The following IER3IP1 variants were observed in gnomAD, a reference collection of about 807,000 sequenced individuals.
The protein encoded by IER3IP1 is immediate early response 3 interacting protein 1.
A neutral mutation model predicts 12.2 loss-of-function variants in IER3IP1; 16 were observed. The ratio of observed to expected loss-of-function variants is 1.31; its 90% CI spans 0.89 to 1.99. The LOEUF (loss-of-function observed/expected upper bound fraction) is 1.99, where lower values mean the gene tolerates loss of function less well. Among genes scored for constraint, IER3IP1 ranks in the 30% most tolerant of loss-of-function variants. IER3IP1 has a pLI of 0.00. For synonymous variants in IER3IP1, 42 were observed against 40.0 expected (o/e 1.05, Z -0.19); for missense variants, 95 against 95.8 (o/e 0.99, Z 0.03).
chr18:47,175,901 G>A (rs2064031516), intron 1 of IER3IP1, among the ~76,000 whole-genome samples: 1 of 152,030 alleles, frequency 6.6e-6, no homozygotes, highest in Non-Finnish European at 1.5e-5. Context: ...ACAGAAAACT[G>A]AATTAAATTA....
intron 1 of IER3IP1, among the ~76,000 whole-genome samples, chr18:47,166,956 T>C (rs1458810584): frequency 6.6e-6 from 1 of 152,168 alleles, no homozygotes; most frequent in Non-Finnish European, 1.5e-5. Context: ...AGGCAAAATA[T>C]TTCTAGGCTA....
intron 1 of IER3IP1, among the ~76,000 whole-genome samples, chr18:47,169,165 G>A (rs140847796): frequency 2.9e-4 from 44 of 152,186 alleles, no homozygotes; most frequent in Non-Finnish European, 5.0e-4. Context: ...CATGCTATGT[G>A]GTCTTTCTTA....
chr18:47,154,859 G>GGA lies in IER3IP1; in HGVS notation c.*1316_*1317dup, dbSNP rs2144419784. On this transcript the variant is annotated 3_prime_UTR_variant, in exon 3 of 3. Transcript: ENST00000256433. ...AATAAAAGGTGCTCATGAGTCTTCT[G>GGA]GATGTATGTCAGCAATTCAGTTAAT... 1 of 152,196 alleles carries GGA rather than the reference G, an allele frequency of 6.6e-6. No individual in the cohort carries two copies. Among genetic ancestry groups the GGA allele is most frequent in the Admixed American group, 6.5e-5 (1 of 15,292 alleles). The allele number at this position is 152,196 out of a possible 1,614,324, so 9.4% of individuals were successfully genotyped here.
In IER3IP1 at chr18:47,176,343, T is replaced by C. The variant is rs2064034521; in HGVS notation, c.-66A>G. The C allele has an allele frequency of 1.7e-5, 24 of 1,416,028 alleles. No homozygotes were observed. The highest frequency in any genetic ancestry group is 2.4e-5 in the South Asian group (2 of 81,766). The allele number at this position is 1,416,028 out of a possible 1,614,324, so 87.7% of individuals were successfully genotyped here. On this transcript the variant is annotated 5_prime_UTR_variant, in exon 1 of 3. Transcript: ENST00000256433. ...CCGCCGCCGCAAGGGACGTGGCGCC[T>C]CCACGGCCGGCGCCTTCCTACGGAA...
intron 1 of IER3IP1, 56 bp from the exon 2 acceptor site, chr18:47,157,593 C>T (rs1461317140): frequency 7.0e-6 from 10 of 1,436,190 alleles, no homozygotes; most frequent in Non-Finnish European, 9.8e-6. Context: ...GCCTTCCTCC[C>T]TGTCATCTTC....
rs927480422 is a variant in IER3IP1, at chr18:47,173,227, T to C, written c.91+2960A>G. ...ACCATCACCCCAAATTTTCCTCCAA[T>C]ACTGTTTAACTCAGTAAAGGTATTA... On this transcript the variant is annotated intron_variant, in intron 1 of 2. Coordinates refer to ENST00000256433, the MANE Select transcript of IER3IP1 (RefSeq NM_016097.5). 2.4e-4 allele frequency among the ~76,000 whole-genome samples: 37 copies of C among 152,206 alleles called. 1 individual carries two copies. Among genetic ancestry groups the C allele is most frequent in the African/African-American group, 8.7e-4 (36 of 41,466 alleles).
In IER3IP1 at chr18:47,153,286, G is replaced by A. The variant is rs1041531691; in HGVS notation, c.*2891C>T. The A allele has an allele frequency of 2.6e-5, 4 of 152,114 alleles. No individual in the cohort carries two copies. Among genetic ancestry groups the A allele is most frequent in the Non-Finnish European group, 4.4e-5 (3 of 68,062 alleles). The allele number at this position is 152,114 out of a possible 1,614,324, so 9.4% of individuals were successfully genotyped here. ...TGGTTACATGGATGAATTGTATAGT[G>A]GTGTAAAGTCTGAAATTTTAGTGCA... On this transcript the variant is annotated 3_prime_UTR_variant, in exon 3 of 3. Transcript: ENST00000256433.
chr18:47,165,022 G>T (rs932538862), intron 1 of IER3IP1, among the ~76,000 whole-genome samples: 3 of 152,084 alleles, frequency 2.0e-5, no homozygotes, highest in African/African-American at 7.2e-5. Flanking sequence ...AGCCAAAAAC[G>T]CTCGACACAC....
chr18:47,167,041 TA>T (rs1290815869), intron 1 of IER3IP1, among the ~76,000 whole-genome samples: 1 of 151,834 alleles, frequency 6.6e-6, no homozygotes, highest in East Asian at 1.9e-4. Flanking sequence ...GCCATTCTAA[TA>T]GTTTGTAGCA....
At position 47,169,083 on chromosome 18, in the gene IER3IP1, A is replaced by G. The variant is rs551342858; in HGVS notation, c.91+7104T>C. ...ATTGGCAACCACTTCCCACAACCTC[A>G]GGCCCTCCAGCACCAAGCAACCACT... is the stretch of plus-strand genomic sequence containing the variant. On this transcript the variant is annotated intron_variant, in intron 1 of 2. Transcript: ENST00000256433. Among the ~76,000 whole-genome samples, 326 of 152,318 alleles carry G rather than the reference A, an allele frequency of 2.1e-3. 1 individual carries two copies. The highest frequency in any genetic ancestry group is 7.6e-3 in the African/African-American group (317 of 41,574).
intron 1 of IER3IP1, 61 bp downstream of exon 1, chr18:47,176,126 A>G (rs2144443481): frequency 2.2e-6 from 3 of 1,381,588 alleles, no homozygotes; most frequent in Non-Finnish European, 3.0e-6. Flanking sequence ...CGGCCCCATT[A>G]GGTTACGCGC....
chr18:47,171,318 A>G (rs1307105566), intron 1 of IER3IP1, among the ~76,000 whole-genome samples: 1 of 152,232 alleles, frequency 6.6e-6, no homozygotes, highest in Non-Finnish European at 1.5e-5. Flanking sequence ...CAAAAGAGAT[A>G]TAGGTCGATA....
intron 1 of IER3IP1, among the ~76,000 whole-genome samples, chr18:47,162,106 T>C (rs2063981684): frequency 6.6e-6 from 1 of 151,966 alleles, no homozygotes; most frequent in Non-Finnish European, 1.5e-5. Context: ...TCCTGCTGGG[T>C]GGCCCAGTTC....
chr18:47,172,640 C>T lies in IER3IP1; in HGVS notation c.91+3547G>A, dbSNP rs75882305. Among the ~76,000 whole-genome samples, 1 of 152,300 alleles carries T rather than the reference C, an allele frequency of 6.6e-6. No homozygotes were observed. The highest frequency in any genetic ancestry group is 1.5e-5 in the Non-Finnish European group (1 of 68,036). On this transcript the variant is annotated intron_variant, in intron 1 of 2. Transcript: ENST00000256433. The surrounding 1 kb of genome is among the most constrained non-coding windows in gnomAD (Gnocchi z 4.0). Reference sequence around the variant, plus strand: ...AGGGAAGATTCATGTCCTCATGATACAGGATTCATCACGCTACTCAGAACA... The same window carrying T: ...AGGGAAGATTCATGTCCTCATGATATAGGATTCATCACGCTACTCAGAACA...
In IER3IP1 at chr18:47,169,920, T is replaced by C. The variant is rs146210981; in HGVS notation, c.91+6267A>G. 3.0e-4 allele frequency among the ~76,000 whole-genome samples: 45 copies of C among 152,300 alleles called. 1 individual carries two copies. Among genetic ancestry groups the C allele is most frequent in the African/African-American group, 1.0e-3 (43 of 41,596 alleles). On this transcript the variant is annotated intron_variant, in intron 1 of 2. Transcript: ENST00000256433. Reference sequence around the variant, plus strand: ...TGGTTGTCTTTTAAAGCATGAACTTTTTAAAATTTTGATGAAATCCAATTT... The same window carrying C: ...TGGTTGTCTTTTAAAGCATGAACTTCTTAAAATTTTGATGAAATCCAATTT...
intron 1 of IER3IP1, among the ~76,000 whole-genome samples, chr18:47,171,478 G>C (rs1256391492): frequency 6.6e-6 from 1 of 152,160 alleles, no homozygotes; most frequent in Non-Finnish European, 1.5e-5. Context: ...TTGGTAGAAA[G>C]CAATGCTGAA....
At position 47,155,921 on chromosome 18, in the gene IER3IP1, T is replaced by G; in HGVS notation, c.*256A>C. 2.7e-6 allele frequency: 1 copy of G among 373,966 alleles called. No individual in the cohort carries two copies. Among genetic ancestry groups the G allele is most frequent in the Non-Finnish European group, 4.8e-6 (1 of 209,012 alleles). 23.2% of individuals were successfully genotyped at this position (373,966 alleles called of 1,614,324 possible). A position where few individuals can be genotyped will look rare whatever the true frequency, so the allele number is the denominator to read the frequency against. On this transcript the variant is annotated 3_prime_UTR_variant, in exon 3 of 3. Transcript: ENST00000256433. The stretch of plus-strand genomic sequence containing the variant: ...TTAACAATCTCACCACAGCATGAAC[T>G]ACTATTAACACTGAGCAATCAGATA...
chr18:47,158,769 TG>T (rs1183074961), intron 1 of IER3IP1, among the ~76,000 whole-genome samples: 1 of 150,342 alleles, frequency 6.7e-6, no homozygotes, highest in Non-Finnish European at 1.5e-5. Context: ...GAGACCAGCC[TG>T]GGTAACATGA....
At chr18:47,161,252 A>C (rs1340211432) in intron 1 of IER3IP1, among the ~76,000 whole-genome samples, 1 of 152,174 alleles carries the variant, frequency 6.6e-6, no homozygotes, top group African/African-American at 2.4e-5. Flanking sequence ...TTTGTCACTG[A>C]GATATGCTGT....
Sources: gnomAD v4.1 joint callset for allele counts (sites outside exome capture counted in the v4.1 genomes callset) on GRCh38, gnomAD v4.1.1 for gene constraint, Gnocchi (gnomAD v3.1) non-coding constraint, MANE v1.5 for transcripts, NCBI Gene and HGNC (gene_info 2026-07-23, HGNC 2026-07-21) for gene names.